Variants in OLA1 observed in about 807,000 individuals in gnomAD.
OLA1 encodes the protein obg-like ATPase 1.
Under a neutral mutation model 48.4 loss-of-function variants are expected in OLA1, and 14 were observed. The ratio of observed to expected loss-of-function variants is 0.29; its 90% CI spans 0.19 to 0.45. OLA1 has a LOEUF of 0.45. OLA1 is among the 20% of genes least tolerant of loss of function. The pLI, the probability that OLA1 is intolerant of heterozygous loss-of-function variation, is 1.00. For synonymous variants in OLA1, 127 were observed against 150.4 expected, an observed-to-expected ratio of 0.84 and a Z score of 1.14; for missense variants, 325 against 467.1, an observed-to-expected ratio of 0.70 and a Z score of 2.80.
At chr2:174,077,303 A>G (rs1684763854) in intron 10 of OLA1, among the ~76,000 whole-genome samples, 1 of 151,984 alleles carries the variant, frequency 6.6e-6, no homozygotes, top group African/African-American at 2.4e-5. Context: ...GTTATGCTGC[A>G]CTGGTGTTAG....
At chr2:174,093,103 G>C (rs1188604689) in intron 7 of OLA1, among the ~76,000 whole-genome samples, 2 of 152,140 alleles carry the variant, frequency 1.3e-5, no homozygotes, top group Non-Finnish European at 2.9e-5. Flanking sequence ...CTTTAAAGCA[G>C]TTTTTCTCAA....
intron 3 of OLA1, among the ~76,000 whole-genome samples, chr2:174,226,743 C>T (rs1359992784): frequency 6.6e-6 from 1 of 152,102 alleles, no homozygotes; most frequent in Non-Finnish European, 1.5e-5. Flanking sequence ...AGGTGATCTT[C>T]CCACCTCGGC....
At chr2:174,196,157 T>C (rs1385969725) in intron 4 of OLA1, among the ~76,000 whole-genome samples, 2 of 152,122 alleles carry the variant, frequency 1.3e-5, no homozygotes, top group Non-Finnish European at 2.9e-5. Context: ...ATCTTAAGTT[T>C]TAATCAGTTA....
intron 4 of OLA1, among the ~76,000 whole-genome samples, chr2:174,170,189 C>T (rs990367312): frequency 1.3e-5 from 2 of 152,028 alleles, no homozygotes; most frequent in East Asian, 1.9e-4. Flanking sequence ...GCCGAGATCG[C>T]GCCACTGCAC....
chr2:174,097,545 G>C (rs1685284622), intron 7 of OLA1, among the ~76,000 whole-genome samples: 1 of 152,040 alleles, frequency 6.6e-6, no homozygotes, highest in East Asian at 1.9e-4. Flanking sequence ...GCTCATGCTT[G>C]TAATCCTAGC....
intron 4 of OLA1, among the ~76,000 whole-genome samples, chr2:174,149,361 A>G (rs1686690667): frequency 6.6e-6 from 1 of 151,914 alleles, no homozygotes; most frequent in African/African-American, 2.4e-5. Context: ...TAACTTCCCC[A>G]TATATGTTGA....
At chr2:174,127,846 C>T (rs575898695) in intron 5 of OLA1, among the ~76,000 whole-genome samples, 3 of 152,140 alleles carry the variant, frequency 2.0e-5, no homozygotes, top group Admixed American at 6.5e-5. Context: ...CTATCCTGTC[C>T]AATACTGCAC....
intron 4 of OLA1, among the ~76,000 whole-genome samples, chr2:174,191,583 T>TAG (rs1687778768): frequency 6.6e-6 from 1 of 152,004 alleles, no homozygotes; most frequent in African/African-American, 2.4e-5. Flanking sequence ...GCCCACTGAG[T>TAG]AGCTGGGACT....
Position 174,074,659 on chromosome 2 carries a change from A to C in OLA1, c.*767T>G, listed in dbSNP as rs1469806129. 6.6e-6 allele frequency: 1 copy of C among 152,086 alleles called. No individual in the cohort carries two copies. The highest frequency in any genetic ancestry group is 1.9e-4 in the East Asian group (1 of 5,186). 9.4% of individuals were successfully genotyped at this position (152,086 alleles called of 1,614,324 possible). A position where few individuals can be genotyped will look rare whatever the true frequency, so the allele number is the denominator to read the frequency against. ...AAAGATTAAAAGTGAACCTCTTTTC[A>C]ATATGGTCAGAACAACAATAACAAA... is the stretch of plus-strand genomic sequence containing the variant. On this transcript the variant is annotated 3_prime_UTR_variant, in exon 11 of 11. Coordinates refer to ENST00000284719, the MANE Select transcript of OLA1 (RefSeq NM_013341.5).
At chr2:174,164,118 AG>A (rs1687099780) in intron 4 of OLA1, among the ~76,000 whole-genome samples, 1 of 151,932 alleles carries the variant, frequency 6.6e-6, no homozygotes, top group African/African-American at 2.4e-5. Flanking sequence ...CGCCCTGTGA[AG>A]AGGTGCCTTC....
intron 9 of OLA1, among the ~76,000 whole-genome samples, chr2:174,080,187 T>C (rs1454260335): frequency 6.6e-6 from 1 of 152,030 alleles, no homozygotes; most frequent in Non-Finnish European, 1.5e-5. Context: ...AAATCTCACA[T>C]TCACACAAGG....
At chr2:174,098,292 C>T (rs999733088) in intron 7 of OLA1, among the ~76,000 whole-genome samples, 9 of 152,164 alleles carry the variant, frequency 5.9e-5, no homozygotes, top group African/African-American at 2.2e-4. Flanking sequence ...CTTTCAGCTG[C>T]TTCTGAAAGA....
At chr2:174,184,890 A>T (rs1164452793) in intron 4 of OLA1, among the ~76,000 whole-genome samples, 5 of 152,194 alleles carry the variant, frequency 3.3e-5, no homozygotes, top group Non-Finnish European at 7.4e-5. Flanking sequence ...ATAGCTTTTT[A>T]AAAAAATTAT....
chr2:174,116,450 A>G (rs1321264343), intron 7 of OLA1, among the ~76,000 whole-genome samples: 1 of 152,240 alleles, frequency 6.6e-6, no homozygotes, highest in Non-Finnish European at 1.5e-5. Flanking sequence ...ATGCCAATTC[A>G]CTTTGCTCTT....
At chr2:174,107,098 C>T (rs746378084) in intron 7 of OLA1, among the ~76,000 whole-genome samples, 1 of 152,132 alleles carries the variant, frequency 6.6e-6, no homozygotes, top group African/African-American at 2.4e-5. Flanking sequence ...AGACAATTTG[C>T]TCTGATAAGC....
intron 5 of OLA1, among the ~76,000 whole-genome samples, chr2:174,132,511 TACATTAG>T (rs1192676892): frequency 5.3e-5 from 8 of 152,164 alleles, no homozygotes; most frequent in Admixed American, 6.5e-5. Context: ...CTTGAGTTTA[TACATTAG>T]AAAACAACAA....
In OLA1 at chr2:174,141,975, C is replaced by T. The variant is rs549488700; in HGVS notation, c.399G>A (p.Thr133=). 1.4e-5 allele frequency: 22 copies of T among 1,612,948 alleles called. No homozygotes were observed. In the East Asian group the frequency reaches 1.6e-4, roughly 11 times the overall value. Residue 133 remains threonine (T), a synonymous_variant, in exon 5 of 11, where the codon ACG becomes ACA. Transcript: ENST00000284719. The part of the protein sequence containing the change: ...LTRAFEDDDI[T]HVEGSVDPIR... ...TAGGATCTACACTTCCTTCAACGTG[C>T]GTGATATCATCATCTTCAAAAGCAC... is the stretch of plus-strand genomic sequence containing the variant.
chr2:174,187,147 C>G (rs1043096421), intron 4 of OLA1, among the ~76,000 whole-genome samples: 1 of 152,148 alleles, frequency 6.6e-6, no homozygotes, highest in Admixed American at 6.5e-5. Flanking sequence ...ACACTCTATT[C>G]AATTTTTAAA....
chr2:174,185,287 AAC>A (rs1687630901), intron 4 of OLA1, among the ~76,000 whole-genome samples: 2 of 152,194 alleles, frequency 1.3e-5, no homozygotes, highest in Admixed American at 1.3e-4. Flanking sequence ...AGAAAACACA[AAC>A]ACATATTCTC....
Sources: gnomAD v4.1 joint callset for allele counts (sites outside exome capture counted in the v4.1 genomes callset) on GRCh38, gnomAD v4.1.1 for gene constraint, MANE v1.5 for transcripts, NCBI Gene and HGNC (gene_info 2026-07-23, HGNC 2026-07-21) for gene names.